Variants in SNX25 observed in about 807,000 individuals in gnomAD.
The protein encoded by SNX25 is sorting nexin-25.
A neutral mutation model predicts 113.7 loss-of-function variants in SNX25; 62 were observed. The observed-to-expected ratio is 0.55, with a 90% CI of 0.44 to 0.67. The LOEUF is 0.67. Ranked by LOEUF, SNX25 falls within the 30% of genes least tolerant of loss-of-function variation. SNX25 has a pLI of 0.00. For missense variants in SNX25, 1,014 were observed against 1,161.0 expected (o/e 0.87, Z 1.84); for synonymous variants, 421 against 436.2 (o/e 0.97, Z 0.43).
rs1193598276 is a variant in SNX25 at position 185,275,831 on chromosome 4, G to T, written c.1091+8676G>T. 2.0e-5 allele frequency among the ~76,000 whole-genome samples: 3 copies of T among 152,086 alleles called. No individual in the cohort carries two copies. In the East Asian group the frequency reaches 5.8e-4, roughly 29 times the overall value. On this transcript the variant is annotated intron_variant, in intron 5 of 18. Coordinates refer to ENST00000652585, the MANE Select transcript of SNX25 (RefSeq NM_001378034.2). The stretch of plus-strand genomic sequence containing the variant: ...GTTAGTTGTGGGTGGACAAGGAGAT[G>T]AAAAATCATAATATATAAAACAAAA...
Position 185,210,021 on chromosome 4 carries a change from A to G in SNX25, c.195A>G (p.Ala65=). The G allele has an allele frequency of 2.0e-6, 2 of 982,286 alleles. No individual in the cohort carries two copies. The highest frequency in any genetic ancestry group is 2.4e-6 in the Non-Finnish European group (2 of 828,980). 60.8% of individuals were successfully genotyped at this position (982,286 alleles called of 1,614,324 possible). A position where few individuals can be genotyped will look rare whatever the true frequency, so the allele number is the denominator to read the frequency against. The change falls in exon 1 of 19, where the codon GCA becomes GCG. Residue 65 remains alanine, a synonymous_variant. Transcript: ENST00000652585. The surrounding 1 kb of genome is among the most constrained non-coding windows in gnomAD (Gnocchi z 4.4). ...GGTGGAAGCCCGTGGCGGTGGCCGC[A>G]CTCGCCGCCGTGGCCCTCTCCTTCC... ...RSWWKPVAVA[A]LAAVALSFLG...
downstream of SNX25, among the ~76,000 whole-genome samples, chr4:185,375,184 G>T (rs921474218): frequency 6.6e-5 from 10 of 151,218 alleles, no homozygotes; most frequent in African/African-American, 2.4e-4. Flanking sequence ...CATGATCTTG[G>T]CTCACTGCAG....
Position 185,362,597 on chromosome 4 carries a change from A to G in SNX25, c.2834-14A>G. On this transcript the variant is annotated splice_polypyrimidine_tract_variant and intron_variant, in intron 17 of 18. Coordinates refer to ENST00000652585, the MANE Select transcript of SNX25 (RefSeq NM_001378034.2). ...TTATCAATAGCAGCATAGAATCTAC[A>G]CTTAATTTTTCAGATATGCTTCAGA... is the stretch of plus-strand genomic sequence containing the variant. The G allele has an allele frequency of 6.2e-7, 1 of 1,612,224 alleles. No individual in the cohort carries two copies. The highest frequency in any genetic ancestry group is 8.5e-7 in the Non-Finnish European group (1 of 1,178,370).
intron 7 of SNX25, among the ~76,000 whole-genome samples, chr4:185,315,163 G>A (rs1223402299): frequency 2.0e-5 from 3 of 149,458 alleles, no homozygotes; most frequent in Non-Finnish European, 4.5e-5. Context: ...GGGAGGCGGA[G>A]CTTGCAGTGA....
intron 14 of SNX25, among the ~76,000 whole-genome samples, chr4:185,352,523 C>T (rs1174303703): frequency 1.3e-5 from 2 of 152,194 alleles, no homozygotes; most frequent in Non-Finnish European, 2.9e-5. Flanking sequence ...CTGTACTTGG[C>T]TGCTTACCTG....
chr4:185,269,006 A>G (rs578124310), intron 5 of SNX25, among the ~76,000 whole-genome samples: 1 of 152,356 alleles, frequency 6.6e-6, no homozygotes, highest in South Asian at 2.1e-4. Context: ...AATTTTGAAT[A>G]GACTACATGA....
intron 7 of SNX25, 128 bp downstream of exon 7, chr4:185,310,944 T>C: frequency 1.1e-6 from 1 of 907,366 alleles, no homozygotes; most frequent in Non-Finnish European, 1.6e-6. Flanking sequence ...CACACTGACA[T>C]TTGCTCTATG....
In SNX25 at chr4:185,351,492, C is replaced by A. The variant is rs1199308109; in HGVS notation, c.2349C>A (p.Ala783=). The A allele has an allele frequency of 6.2e-7, 1 of 1,614,178 alleles. No homozygotes were observed. The highest frequency in any genetic ancestry group is 1.7e-5 in the Admixed American group (1 of 60,020). ...ERLCQSEALY[A]FLSPSPDYLK... ...TGTGTCAGAGTGAAGCACTTTATGC[C>A]TTCTTGAGCCCTTCTCCTGACTACC... Residue 783 remains alanine (A), a synonymous_variant, in exon 14 of 19, where the codon GCC becomes GCA. Transcript: ENST00000652585.
chr4:185,329,904 G>A (rs2095182403), intron 9 of SNX25, among the ~76,000 whole-genome samples: 1 of 152,088 alleles, frequency 6.6e-6, no homozygotes, highest in Non-Finnish European at 1.5e-5. Context: ...AAGACTGGGT[G>A]GGTGGCCAGA....
chr4:185,215,904 C>T (rs1427566456), intron 1 of SNX25, among the ~76,000 whole-genome samples: 1 of 151,916 alleles, frequency 6.6e-6, no homozygotes, highest in Non-Finnish European at 1.5e-5. Flanking sequence ...ATCCTCCCAC[C>T]TCCCACCTCA....
chr4:185,266,310 T>A (rs955136526), intron 4 of SNX25, among the ~76,000 whole-genome samples: 1 of 152,170 alleles, frequency 6.6e-6, no homozygotes, highest in East Asian at 1.9e-4. Context: ...TATTGAGCCT[T>A]ATAAAATAAG....
At chr4:185,331,799 A>G (rs2095197203) in intron 9 of SNX25, among the ~76,000 whole-genome samples, 1 of 152,156 alleles carries the variant, frequency 6.6e-6, no homozygotes, top group Non-Finnish European at 1.5e-5. Context: ...AAACAAAAAA[A>G]CCCATGACAA....
chr4:185,371,266 G>A (rs554567153), downstream of SNX25, among the ~76,000 whole-genome samples: 352 of 152,202 alleles, frequency 2.3e-3, 1 homozygote, highest in African/African-American at 6.1e-3. Flanking sequence ...TTGGCTGGGC[G>A]CGGTGGCTCA....
intron 1 of SNX25, among the ~76,000 whole-genome samples, chr4:185,236,759 T>C (rs1742708800): frequency 6.6e-6 from 1 of 152,234 alleles, no homozygotes; most frequent in Non-Finnish European, 1.5e-5. Flanking sequence ...TTGTCAGACA[T>C]TGTTACAGTA....
intron 1 of SNX25, among the ~76,000 whole-genome samples, chr4:185,229,236 C>G (rs1396664714): frequency 6.6e-6 from 1 of 152,180 alleles, no homozygotes; most frequent in Non-Finnish European, 1.5e-5. Context: ...CACACCTCAT[C>G]AAGCCAAGGG....
chr4:185,260,961 A>G (rs1191727236), intron 3 of SNX25, among the ~76,000 whole-genome samples: 2 of 152,150 alleles, frequency 1.3e-5, no homozygotes, highest in Non-Finnish European at 1.5e-5. Context: ...AGCACCTGCT[A>G]ATTTGCTGTG....
upstream of SNX25, among the ~76,000 whole-genome samples, chr4:185,208,548 T>C (rs561997832): frequency 1.3e-5 from 2 of 151,700 alleles, no homozygotes; most frequent in African/African-American, 4.8e-5. Flanking sequence ...GCTAATATGG[T>C]GAAACCCCGT....
At chr4:185,347,421 C>T (rs2095292666) in intron 13 of SNX25, among the ~76,000 whole-genome samples, 1 of 151,910 alleles carries the variant, frequency 6.6e-6, no homozygotes, top group Admixed American at 6.6e-5. Flanking sequence ...AGTAGTATCT[C>T]ATTGTGTTTG....
intron 9 of SNX25, among the ~76,000 whole-genome samples, chr4:185,328,579 G>A (rs762366683): frequency 5.9e-5 from 9 of 152,152 alleles, no homozygotes; most frequent in Non-Finnish European, 1.0e-4. Flanking sequence ...TAAGCTGAGC[G>A]CTTTCTTATC....
Sources: gnomAD v4.1 joint callset for allele counts (sites outside exome capture counted in the v4.1 genomes callset) on GRCh38, gnomAD v4.1.1 for gene constraint, Gnocchi (gnomAD v3.1) non-coding constraint, MANE v1.5 for transcripts, NCBI Gene and HGNC (gene_info 2026-07-23, HGNC 2026-07-21) for gene names.